The following POFUT3 variants were observed in gnomAD, a reference collection of about 807,000 sequenced individuals.
POFUT3 encodes GDP-fucose protein O-fucosyltransferase 3.
chr8:33,428,996 T>C, the POFUT3 span, among the ~76,000 whole-genome samples: 13 of 152,354 alleles, frequency 8.5e-5, no homozygotes, highest in African/African-American at 3.1e-4. Context: ...GTACAGCAGC[T>C]CACCTGAACA....
the POFUT3 span, among the ~76,000 whole-genome samples, chr8:33,458,856 G>T: frequency 0.015 from 2,300 of 152,284 alleles, 70 homozygotes; most frequent in African/African-American, 0.052. Context: ...CCTCTCACCA[G>T]AATCCCAATC....
chr8:33,417,903 C>T, the POFUT3 span, among the ~76,000 whole-genome samples: 1 of 152,122 alleles, frequency 6.6e-6, no homozygotes, highest in East Asian at 1.9e-4. Flanking sequence ...CGGAGAGAAC[C>T]CCAGGGGTCC....
At chr8:33,406,559 C>T in the POFUT3 span, among the ~76,000 whole-genome samples, 7 of 152,018 alleles carry the variant, frequency 4.6e-5, no homozygotes, top group Non-Finnish European at 8.8e-5. Flanking sequence ...GCCTCAGCCT[C>T]CAGAGTTGGG....
the POFUT3 span, among the ~76,000 whole-genome samples, chr8:33,339,762 G>A: frequency 6.6e-6 from 1 of 152,054 alleles, no homozygotes; most frequent in African/African-American, 2.4e-5. Flanking sequence ...AATAAGAAAT[G>A]ACATGATATT....
chr8:33,455,482 C>T, the POFUT3 span, among the ~76,000 whole-genome samples: 12,424 of 152,110 alleles, frequency 0.082, 651 homozygotes, highest in African/African-American at 0.15. Flanking sequence ...TATGATTGCA[C>T]CACTGTACAG....
At chr8:33,416,824 C>A in the POFUT3 span, among the ~76,000 whole-genome samples, 1 of 120,352 alleles carries the variant, frequency 8.3e-6, no homozygotes, top group Non-Finnish European at 1.6e-5. Context: ...CCAGCCTGGG[C>A]GACGACAAAA....
the POFUT3 span, chr8:33,389,151 A>C: frequency 6.2e-7 from 1 of 1,614,180 alleles, no homozygotes; most frequent in Non-Finnish European, 8.5e-7. Flanking sequence ...CTGTCATCAG[A>C]ATCCAGTCGT....
chr8:33,386,458 C>T, the POFUT3 span, among the ~76,000 whole-genome samples: 2,622 of 152,172 alleles, frequency 0.017, 34 homozygotes, highest in Admixed American at 0.025. Context: ...TTCTGAAATG[C>T]CACATTCAGT....
the POFUT3 span, among the ~76,000 whole-genome samples, chr8:33,465,419 CATAT>C: frequency 8.7e-6 from 1 of 115,372 alleles, no homozygotes; most frequent in Non-Finnish European, 1.9e-5. Flanking sequence ...CACATACATA[CATAT>C]ATATATAGAG....
chr8:33,353,907 A>G, the POFUT3 span, among the ~76,000 whole-genome samples: 1 of 152,184 alleles, frequency 6.6e-6, no homozygotes, highest in Non-Finnish European at 1.5e-5. Flanking sequence ...AAAGAAACCA[A>G]TAGAAAGCCT....
chr8:33,309,189 T>TAC, the POFUT3 span, among the ~76,000 whole-genome samples: 3 of 116,692 alleles, frequency 2.6e-5, no homozygotes, highest in East Asian at 7.2e-4. Flanking sequence ...TATATATATA[T>TAC]ATATATATAT....
chr8:33,423,221 C>T, the POFUT3 span, among the ~76,000 whole-genome samples: 1 of 152,092 alleles, frequency 6.6e-6, no homozygotes, highest in Non-Finnish European at 1.5e-5. Flanking sequence ...GACCAAAAAC[C>T]CTCCCCATAA....
At chr8:33,317,905 C>T in the POFUT3 span, among the ~76,000 whole-genome samples, 1 of 152,174 alleles carries the variant, frequency 6.6e-6, no homozygotes, top group Non-Finnish European at 1.5e-5. Flanking sequence ...CCTTCATCCT[C>T]ATGTCAGTTG....
chr8:33,378,844 G>A, the POFUT3 span, among the ~76,000 whole-genome samples: 1 of 152,222 alleles, frequency 6.6e-6, no homozygotes, highest in African/African-American at 2.4e-5. Context: ...GGTAACAATA[G>A]CAACACAAAA....
chr8:33,420,367 A>G, the POFUT3 span, among the ~76,000 whole-genome samples: 1 of 152,218 alleles, frequency 6.6e-6, no homozygotes, highest in Non-Finnish European at 1.5e-5. Context: ...TGCTGGTGAA[A>G]TGACAAGGTT....
chr8:33,415,579 C>T, the POFUT3 span, among the ~76,000 whole-genome samples: 1 of 152,156 alleles, frequency 6.6e-6, no homozygotes, highest in African/African-American at 2.4e-5. Context: ...ACACTCCCAG[C>T]CAGGTGACAG....
the POFUT3 span, among the ~76,000 whole-genome samples, chr8:33,418,089 T>C: frequency 6.6e-6 from 1 of 152,214 alleles, no homozygotes; most frequent in South Asian, 2.1e-4. Context: ...CAACGCACCA[T>C]TTTGAGCCCC....
chr8:33,400,067 C>A, the POFUT3 span, among the ~76,000 whole-genome samples: 1 of 151,052 alleles, frequency 6.6e-6, no homozygotes, highest in East Asian at 2.0e-4. Flanking sequence ...AGTAAGTCTT[C>A]TTCCCCACAC....
At chr8:33,419,401 T>C in the POFUT3 span, among the ~76,000 whole-genome samples, 6 of 152,254 alleles carry the variant, frequency 3.9e-5, no homozygotes, top group African/African-American at 4.8e-5. Context: ...AGGCATTAGA[T>C]AGATACTCAC....
Sources: allele counts gnomAD v4.1 joint callset (sites outside exome capture counted in the v4.1 genomes callset), GRCh38; gene constraint gnomAD v4.1.1; transcripts MANE v1.5; gene names NCBI Gene and HGNC (gene_info 2026-07-23, HGNC 2026-07-21).